Variants in TENM2 observed in about 807,000 individuals in gnomAD.
The protein encoded by TENM2 is teneurin transmembrane protein 2.
TENM2 carries 52 observed loss-of-function variants against 245.2 expected under a neutral mutation model. The ratio of observed to expected loss-of-function variants is 0.21; its 90% CI spans 0.17 to 0.27. The LOEUF (loss-of-function observed/expected upper bound fraction) is 0.27, where lower values mean the gene tolerates loss of function less well. Among genes scored for constraint, TENM2 ranks in the 10% least tolerant of loss-of-function variants. TENM2 has a pLI of 1.00. For synonymous variants in TENM2, 1,363 were observed against 1,438.9 expected, an observed-to-expected ratio of 0.95 and a Z score of 1.19; for missense variants, 3,046 against 3,666.8, an observed-to-expected ratio of 0.83 and a Z score of 4.37.
chr5:167,287,638 C>T (rs982893757), intron 1 of TENM2: 6 of 152,206 alleles, frequency 3.9e-5, no homozygotes, highest in African/African-American at 1.4e-4. Context: ...AATGCAAGAA[C>T]CTGCCATCTC....
chr5:167,429,361 T>A (rs1764065270), intron 2 of TENM2, among the ~76,000 whole-genome samples: 1 of 152,176 alleles, frequency 6.6e-6, no homozygotes, highest in Non-Finnish European at 1.5e-5. Context: ...ACTAAATTAA[T>A]CCATCCAAAA....
chr5:167,570,787 A>G (rs184756681), intron 2 of TENM2, among the ~76,000 whole-genome samples: 70 of 152,334 alleles, frequency 4.6e-4, no homozygotes, highest in Non-Finnish European at 7.8e-4. Context: ...GAGGTCTGAA[A>G]ACAGTAACTT....
At chr5:168,069,702 C>G (rs1790816390) in intron 7 of TENM2, among the ~76,000 whole-genome samples, 1 of 152,182 alleles carries the variant, frequency 6.6e-6, no homozygotes, top group South Asian at 2.1e-4. Flanking sequence ...GTGCATCTAG[C>G]AGCCAGACAC....
intron 13 of TENM2, among the ~76,000 whole-genome samples, chr5:168,168,686 A>C: frequency 1.5e-5 from 1 of 67,278 alleles, no homozygotes; most frequent in East Asian, 2.6e-4. Context: ...TGTCTCAAAA[A>C]AAAAAAAAAA....
At chr5:167,560,753 A>G (rs924495558) in intron 2 of TENM2, among the ~76,000 whole-genome samples, 7 of 152,238 alleles carry the variant, frequency 4.6e-5, no homozygotes, top group African/African-American at 1.7e-4. Context: ...ATGAATTATC[A>G]TTTCAGCCAG....
the TENM2 span, among the ~76,000 whole-genome samples, chr5:167,268,558 G>A: frequency 6.6e-6 from 1 of 152,164 alleles, no homozygotes; most frequent in Non-Finnish European, 1.5e-5. Flanking sequence ...CATGTTTGAT[G>A]TGAAGCTATT....
At chr5:168,167,905 G>C (rs1758450433) in intron 13 of TENM2, among the ~76,000 whole-genome samples, 1 of 152,192 alleles carries the variant, frequency 6.6e-6, no homozygotes, top group Admixed American at 6.5e-5. Context: ...AAGACACCTG[G>C]CTCATAGATG....
the TENM2 span, among the ~76,000 whole-genome samples, chr5:167,235,312 G>C: frequency 1.3e-5 from 2 of 152,058 alleles, no homozygotes; most frequent in Non-Finnish European, 1.5e-5. Context: ...GTATTCTTAG[G>C]GAGTAGGGGC....
Position 167,859,765 on chromosome 5 carries a change from C to A in TENM2, c.503-16221C>A, listed in dbSNP as rs1279342855. On this transcript the variant is annotated intron_variant, in intron 2 of 28. Coordinates refer to ENST00000518659, the Ensembl canonical transcript of TENM2. ...TCAGCCCCCCGCCCGGCCAGCCGCC[C>A]TGTCCGGGAGGGAGGTGGGGGGGTC... Among the ~76,000 whole-genome samples, 5 of 96,632 alleles carry A rather than the reference C, an allele frequency of 5.2e-5. No individual in the cohort carries two copies. The East Asian group carries it at 1.8e-3, about 34-fold the overall frequency. The allele number at this position is 96,632 out of a possible 152,430, so 63.4% of individuals were successfully genotyped here.
chr5:168,012,140 G>T (rs763918535), intron 5 of TENM2, among the ~76,000 whole-genome samples: 3 of 151,982 alleles, frequency 2.0e-5, no homozygotes, highest in Non-Finnish European at 2.9e-5. Context: ...CCTCAGAACC[G>T]CCCCTAATAA....
intron 2 of TENM2, among the ~76,000 whole-genome samples, chr5:167,727,100 A>ATTT (rs1554106383): frequency 9.6e-5 from 12 of 125,406 alleles, no homozygotes; most frequent in East Asian, 8.7e-4. Context: ...GAATCCATTA[A>ATTT]TTTCTTTTTT....
At chr5:167,639,053 T>C (rs1436255676) in intron 2 of TENM2, among the ~76,000 whole-genome samples, 1 of 152,194 alleles carries the variant, frequency 6.6e-6, no homozygotes, top group Non-Finnish European at 1.5e-5. Flanking sequence ...TGCAAACAGA[T>C]TTATTCGGTA....
At chr5:167,867,459 G>A (rs1009807032) in intron 2 of TENM2, among the ~76,000 whole-genome samples, 13 of 152,142 alleles carry the variant, frequency 8.5e-5, no homozygotes, top group Admixed American at 2.6e-4. Context: ...AACTGGGGCC[G>A]GTCCAACAGC....
At chr5:168,197,038 G>A (rs1302020518) in intron 15 of TENM2, among the ~76,000 whole-genome samples, 1 of 152,134 alleles carries the variant, frequency 6.6e-6, no homozygotes, top group African/African-American at 2.4e-5. Context: ...GTTGCATAGT[G>A]GCGTGTGCCC....
At chr5:167,177,089 G>A in the TENM2 span, among the ~76,000 whole-genome samples, 2,845 of 152,210 alleles carry the variant, frequency 0.019, 95 homozygotes, top group African/African-American at 0.064. Flanking sequence ...AAAAATAAGA[G>A]CCAGGTGTAG....
intron 2 of TENM2, among the ~76,000 whole-genome samples, chr5:167,666,301 G>C (rs1026035208): frequency 6.6e-6 from 1 of 152,148 alleles, no homozygotes; most frequent in Non-Finnish European, 1.5e-5. Flanking sequence ...TTCTAACTCA[G>C]TTCACATAAG....
At chr5:167,423,397 AGG>A (rs2127427684) in intron 2 of TENM2, among the ~76,000 whole-genome samples, 1 of 152,302 alleles carries the variant, frequency 6.6e-6, no homozygotes, top group Non-Finnish European at 1.5e-5. Context: ...TTGATTTCTG[AGG>A]TGGATAAAAT....
chr5:167,529,742 T>G (rs2127591695), intron 2 of TENM2, among the ~76,000 whole-genome samples: 1 of 152,318 alleles, frequency 6.6e-6, no homozygotes, highest in African/African-American at 2.4e-5. Flanking sequence ...TTACAGATTC[T>G]TTAATATATT....
intron 5 of TENM2, among the ~76,000 whole-genome samples, chr5:168,043,687 A>G (rs1434787161): frequency 1.3e-5 from 2 of 152,244 alleles, no homozygotes; most frequent in Admixed American, 1.3e-4. Context: ...GGCTTATAAC[A>G]GTAACAGTTC....
Sources: allele counts gnomAD v4.1 joint callset (sites outside exome capture counted in the v4.1 genomes callset), GRCh38; gene constraint gnomAD v4.1.1; transcripts MANE v1.5; gene names NCBI Gene and HGNC (gene_info 2026-07-23, HGNC 2026-07-21).